Variants in GRAMD4 observed in about 807,000 individuals in gnomAD.
The protein encoded by GRAMD4 is GRAM domain-containing protein 4.
A neutral mutation model predicts 83.9 loss-of-function variants in GRAMD4; 25 were observed. The ratio of observed to expected loss-of-function variants is 0.30; its 90% CI spans 0.22 to 0.42. The LOEUF (loss-of-function observed/expected upper bound fraction) is 0.42, where lower values mean the gene tolerates loss of function less well. Among genes scored for constraint, GRAMD4 ranks in the 10% least tolerant of loss-of-function variants. The pLI is 1.00. For missense variants in GRAMD4, 593 were observed against 788.7 expected (o/e 0.75, Z 2.97); for synonymous variants, 336 against 320.9 (o/e 1.05, Z -0.50).
At chr22:46,594,591 G>T (rs963502091) in intron 1 of GRAMD4, among the ~76,000 whole-genome samples, 1 of 151,498 alleles carries the variant, frequency 6.6e-6, no homozygotes, top group Non-Finnish European at 1.5e-5. Flanking sequence ...TGGGTGGGGG[G>T]GGTTAGGTGT....
At chr22:46,595,240 G>A (rs911091117) in intron 1 of GRAMD4, among the ~76,000 whole-genome samples, 1 of 152,172 alleles carries the variant, frequency 6.6e-6, no homozygotes, top group South Asian at 2.1e-4. Flanking sequence ...GAGACCATGC[G>A]ACGCAGCGGG....
chr22:46,648,711 GATGGATGGATGGATGC>G lies in GRAMD4; in HGVS notation c.284-9460_284-9445del, dbSNP rs1230066028. The stretch of plus-strand genomic sequence containing the variant: ...TGATGGATGGATGCATGGATGGATG[GATGGATGGATGGATGC>G]ATGGATGGATGGATGGATGCATGGA... On this transcript the variant is annotated intron_variant, in intron 3 of 18. Coordinates refer to ENST00000406902, the MANE Select transcript of GRAMD4 (RefSeq NM_015124.5). Among the ~76,000 whole-genome samples the G allele has an allele frequency of 3.1e-3, 460 of 148,978 alleles. 1 individual carries two copies. Among genetic ancestry groups the G allele is most frequent in the African/African-American group, 5.6e-3 (223 of 39,696 alleles).
chr22:46,661,824 G>A (rs2082332264), intron 5 of GRAMD4, among the ~76,000 whole-genome samples: 1 of 152,264 alleles, frequency 6.6e-6, no homozygotes, highest in African/African-American at 2.4e-5. Context: ...AGGGGACCAA[G>A]TGGGCAGTGG....
At chr22:46,641,635 C>G (rs1471050574) in intron 3 of GRAMD4, among the ~76,000 whole-genome samples, 2 of 152,162 alleles carry the variant, frequency 1.3e-5, no homozygotes, top group African/African-American at 4.8e-5. Flanking sequence ...TAACATGGTC[C>G]ATACCCTGTG....
intron 3 of GRAMD4, among the ~76,000 whole-genome samples, chr22:46,643,150 T>TCTACCCACCTAC (rs2082006791): frequency 6.8e-6 from 1 of 147,486 alleles, no homozygotes. Context: ...CTTCCATCCA[T>TCTACCCACCTAC]CCATCCATCC....
At chr22:46,593,579 T>G (rs1266764924) in intron 1 of GRAMD4, among the ~76,000 whole-genome samples, 1 of 152,158 alleles carries the variant, frequency 6.6e-6, no homozygotes, top group Non-Finnish European at 1.5e-5. Context: ...TGGGGCAGCC[T>G]TCTAAGGGAG....
Position 46,677,901 on chromosome 22 carries a change from C to T in GRAMD4, c.*650C>T. The stretch of plus-strand genomic sequence containing the variant: ...CAGAGAGGGTGAGAAGGGCCCACCC[C>T]TCGCCTGCCCTCAGTGTCTTTGGTG... On this transcript the variant is annotated 3_prime_UTR_variant, in exon 19 of 19. Coordinates refer to ENST00000406902, the MANE Select transcript of GRAMD4 (RefSeq NM_015124.5). 6.1e-6 allele frequency: 6 copies of T among 985,170 alleles called. No homozygotes were observed. The highest frequency in any genetic ancestry group is 7.2e-6 in the Non-Finnish European group (6 of 829,634). 61.0% of individuals were successfully genotyped at this position (985,170 alleles called of 1,614,324 possible).
At chr22:46,667,273 G>A (rs979223198) in intron 10 of GRAMD4, among the ~76,000 whole-genome samples, 1 of 152,170 alleles carries the variant, frequency 6.6e-6, no homozygotes, top group African/African-American at 2.4e-5. Context: ...CCACCTCTCG[G>A]AGGTTGCAGT....
At chr22:46,605,607 C>T (rs866903611) in intron 1 of GRAMD4, among the ~76,000 whole-genome samples, 2 of 152,402 alleles carry the variant, frequency 1.3e-5, no homozygotes, top group Admixed American at 6.5e-5. Context: ...TTCTCGCCAA[C>T]ACTTGTTGTT....
At chr22:46,637,002 GGAC>G (rs1238710257) in intron 2 of GRAMD4, among the ~76,000 whole-genome samples, 1 of 152,214 alleles carries the variant, frequency 6.6e-6, no homozygotes, top group Non-Finnish European at 1.5e-5. Context: ...GGAGCAGAGA[GGAC>G]GACAAGGCCG....
chr22:46,651,238 A>G (rs1004836210), intron 3 of GRAMD4, among the ~76,000 whole-genome samples: 13 of 152,136 alleles, frequency 8.5e-5, no homozygotes, highest in African/African-American at 2.9e-4. Context: ...TTGGGCAGGC[A>G]TTTTGGGCCC....
Position 46,626,776 on chromosome 22 carries a change from A to C in GRAMD4, c.-24A>C, listed in dbSNP as rs763370090. 6.2e-7 allele frequency: 1 copy of C among 1,610,154 alleles called. No homozygotes were observed. On this transcript the variant is annotated 5_prime_UTR_variant, in exon 2 of 19. The change abolishes the stop of an existing upstream ORF in the 5' untranslated region. Coordinates refer to ENST00000406902, the MANE Select transcript of GRAMD4 (RefSeq NM_015124.5). ...GGAACCCGAGCGTCATGTTAGGGTG[A>C]AGCAGAGGACCTCAGTGCTGAACAT... is the stretch of plus-strand genomic sequence containing the variant.
intron 9 of GRAMD4, 71 bp downstream of exon 9, chr22:46,665,777 A>G: frequency 2.4e-6 from 2 of 847,498 alleles, no homozygotes; most frequent in Non-Finnish European, 4.0e-6. Flanking sequence ...CCTGCGTCTC[A>G]CAACCGTGAC....
Position 46,661,454 on chromosome 22 carries a change from T to TGGGCGGGTGGACAGGCAGGC in GRAMD4, c.466+23_466+42dup. On this transcript the variant is annotated intron_variant, in intron 5 of 18. Coordinates refer to ENST00000406902, the MANE Select transcript of GRAMD4 (RefSeq NM_015124.5). Reference sequence around the variant, plus strand: ...CAGCAATGGAGCAGGTACACCCTGGTGGGCGGGTGGACAGGCAGGCGGGCG... The same window carrying TGGGCGGGTGGACAGGCAGGC: ...CAGCAATGGAGCAGGTACACCCTGGTGGGCGGGTGGACAGGCAGGCGGGCGGGTGGACAGGCAGGCGGGCG... The TGGGCGGGTGGACAGGCAGGC allele has an allele frequency of 6.4e-7, 1 of 1,560,382 alleles. No homozygotes were observed. The highest frequency in any genetic ancestry group is 8.8e-7 in the Non-Finnish European group (1 of 1,139,892).
chr22:46,678,758 G>C lies in GRAMD4; in HGVS notation c.*1507G>C, dbSNP rs2082635191. 1.0e-6 allele frequency: 1 copy of C among 985,958 alleles called. No individual in the cohort carries two copies. Among genetic ancestry groups the C allele is most frequent in the South Asian group, 4.7e-5 (1 of 21,292 alleles). The allele number at this position is 985,958 out of a possible 1,614,324, so 61.1% of individuals were successfully genotyped here. On this transcript the variant is annotated 3_prime_UTR_variant, in exon 19 of 19. Coordinates refer to ENST00000406902, the MANE Select transcript of GRAMD4 (RefSeq NM_015124.5). Reference sequence around the variant, plus strand: ...TCCTCATTTGCTGGTGTGGGTGAGGGATCCGGCGGCATGGGCTGGTTTCAC... The same window carrying C: ...TCCTCATTTGCTGGTGTGGGTGAGGCATCCGGCGGCATGGGCTGGTTTCAC...
rs759097439 is a variant in GRAMD4 at position 46,665,621 on chromosome 22, A to C, written c.724A>C (p.Met242Leu). The part of the protein sequence containing the change: ...YTSAIAFTVY[M>L]NAVWHGWAIP... ...CCCTGTCTCTCACCCGCAGGTGTACATGAATGCCGTGTGGCATGGCTGGGC... is the reference window on the plus strand; with the variant it reads ...CCCTGTCTCTCACCCGCAGGTGTACCTGAATGCCGTGTGGCATGGCTGGGC... Residue 242 changes from methionine to leucine, a missense_variant, in exon 9 of 19, where the codon ATG (methionine) becomes CTG (leucine). Physicochemically the swap from Met to Leu is conservative, Grantham distance 15. Around this residue, in one of 4 missense-constraint regions of GRAMD4, gnomAD observed 312 missense variants for 350.7 expected, o/e 0.89. Transcript: ENST00000406902. 3.5e-5 allele frequency: 55 copies of C among 1,582,542 alleles called. No individual in the cohort carries two copies. Among genetic ancestry groups the C allele is most frequent in the Non-Finnish European group, 4.4e-5 (51 of 1,152,424 alleles).
intron 2 of GRAMD4, among the ~76,000 whole-genome samples, chr22:46,632,930 G>A (rs1402052739): frequency 6.6e-6 from 1 of 152,336 alleles, no homozygotes; most frequent in African/African-American, 2.4e-5. Context: ...GCCTTTCCAC[G>A]CAGGCCTCTG....
intron 3 of GRAMD4, 110 bp downstream of exon 3, chr22:46,638,070 C>T: frequency 8.4e-7 from 1 of 1,184,032 alleles, no homozygotes; most frequent in Admixed American, 2.0e-5. Context: ...CCCACGCAGG[C>T]TCCATCGCTG....
chr22:46,656,569 A>G (rs2082247669), intron 3 of GRAMD4, among the ~76,000 whole-genome samples: 1 of 152,092 alleles, frequency 6.6e-6, no homozygotes, highest in Non-Finnish European at 1.5e-5. Flanking sequence ...TCATGTGGTG[A>G]GGTGTCCAGG....
Sources: allele counts gnomAD v4.1 joint callset (sites outside exome capture counted in the v4.1 genomes callset), GRCh38; gene constraint gnomAD v4.1.1; regional missense constraint gnomAD v4.1.1; transcripts MANE v1.5; gene names NCBI Gene and HGNC (gene_info 2026-07-23, HGNC 2026-07-21).